The following RNF214 variants were observed in gnomAD, a reference collection of about 807,000 sequenced individuals.
RNF214 encodes the protein ring finger protein 214.
In RNF214, 25 loss-of-function variants were observed where a neutral mutation model predicts 75.9. That is an observed-to-expected ratio of 0.33 (90% CI 0.24 to 0.46). RNF214 has a LOEUF of 0.46. Among genes scored for constraint, RNF214 ranks in the 20% least tolerant of loss-of-function variants. RNF214 has a pLI of 1.00. For synonymous variants in RNF214, 314 were observed against 308.8 expected (o/e 1.02, Z -0.18); for missense variants, 725 against 857.5 (o/e 0.85, Z 1.93).
At chr11:117,261,206 A>C (rs1010012682) in intron 6 of RNF214, among the ~76,000 whole-genome samples, 2 of 152,216 alleles carry the variant, frequency 1.3e-5, no homozygotes, top group Non-Finnish European at 2.9e-5. Flanking sequence ...AAATAGAAGA[A>C]GTTACATTCT....
At position 117,282,090 on chromosome 11, in the gene RNF214, G is replaced by A; in HGVS notation, c.1532G>A (p.Ser511Asn). The change falls in exon 11 of 15, where the codon AGC becomes AAC. Residue 511 changes from serine to asparagine, a missense_variant. Physicochemically the swap from Ser to Asn is conservative, Grantham distance 46. Around this residue, in one of 2 missense-constraint regions of RNF214, gnomAD observed 363 missense variants for 513.0 expected, o/e 0.71. Transcript: ENST00000300650. ...CTTCCTGGCTCCCATGGCAGAAATA[G>A]CCCTGGCTTGGGTTCCCTTGTCAGC... The part of the protein sequence containing the change: ...SPLPGSHGRN[S>N]PGLGSLVSPH... The A allele has an allele frequency of 4.3e-6, 7 of 1,614,012 alleles. No homozygotes were observed. Among genetic ancestry groups the A allele is most frequent in the Non-Finnish European group, 5.9e-6 (7 of 1,180,004 alleles).
chr11:117,267,247 T>A (rs2033815900), intron 6 of RNF214, among the ~76,000 whole-genome samples: 1 of 152,250 alleles, frequency 6.6e-6, no homozygotes, highest in Non-Finnish European at 1.5e-5. Context: ...AAAATTTTGA[T>A]GAAGTCTCGC....
At chr11:117,258,179 C>T (rs2033568809) in intron 6 of RNF214, among the ~76,000 whole-genome samples, 1 of 152,052 alleles carries the variant, frequency 6.6e-6, no homozygotes, top group Non-Finnish European at 1.5e-5. Flanking sequence ...AGCAATTCTC[C>T]TGCCTCAGCC....
rs746813660 is a variant in RNF214, at chr11:117,244,599, A to T, written c.819+14A>T. The T allele has an allele frequency of 1.3e-6, 2 of 1,585,902 alleles. No individual in the cohort carries two copies. On this transcript the variant is annotated intron_variant, in intron 5 of 14. Coordinates refer to ENST00000300650, the MANE Select transcript of RNF214 (RefSeq NM_207343.4). ...AAGAATCACCAGGTATTTTGCTTAT[A>T]TTGAAATTGTCAATGAGTTAAGCAA...
In RNF214 at chr11:117,238,613, T is replaced by C; in HGVS notation, c.120T>C (p.Ser40=). The change falls in exon 3 of 15, where the codon TCT becomes TCC. Residue 40 remains serine, a synonymous_variant. Transcript: ENST00000300650. ...GTGTGTTTGATAGCACCAAAGACTCTGCACAGAAGCAGAAGAACTCGCCTC... is the reference window on the plus strand; with the variant it reads ...GTGTGTTTGATAGCACCAAAGACTCCGCACAGAAGCAGAAGAACTCGCCTC... ...GLPDGLSTKD[S]AQKQKNSPLL... is the part of the protein sequence containing the mutation. The C allele has an allele frequency of 6.2e-7, 1 of 1,612,534 alleles. No individual in the cohort carries two copies. Among genetic ancestry groups the C allele is most frequent in the East Asian group, 2.2e-5 (1 of 44,856 alleles).
intron 6 of RNF214, among the ~76,000 whole-genome samples, chr11:117,261,188 C>T (rs955980206): frequency 6.6e-6 from 1 of 152,042 alleles, no homozygotes; most frequent in Non-Finnish European, 1.5e-5. Flanking sequence ...TTGTGTATGC[C>T]TTTTGTCAAA....
intron 6 of RNF214, among the ~76,000 whole-genome samples, chr11:117,274,182 G>A (rs905179359): frequency 1.3e-5 from 2 of 151,978 alleles, no homozygotes; most frequent in African/African-American, 4.8e-5. Flanking sequence ...CAAAATAACA[G>A]ATTAACAGGA....
chr11:117,275,208 T>C (rs938107983), intron 6 of RNF214, among the ~76,000 whole-genome samples: 1 of 152,054 alleles, frequency 6.6e-6, no homozygotes, highest in African/African-American at 2.4e-5. Flanking sequence ...TTTTTAAAAA[T>C]GATTGATAAC....
At chr11:117,262,586 T>TA (rs2033691122) in intron 6 of RNF214, among the ~76,000 whole-genome samples, 1 of 151,756 alleles carries the variant, frequency 6.6e-6, no homozygotes, top group Admixed American at 6.6e-5. Flanking sequence ...CTCGCTATAT[T>TA]GTCTAGGTTG....
chr11:117,265,811 A>T (rs1486531246), intron 6 of RNF214, among the ~76,000 whole-genome samples: 4 of 152,194 alleles, frequency 2.6e-5, no homozygotes, highest in African/African-American at 9.7e-5. Flanking sequence ...GTTTTGACAT[A>T]TTAATTATGC....
chr11:117,276,682 G>T (rs1381740730), intron 6 of RNF214, among the ~76,000 whole-genome samples: 1 of 152,208 alleles, frequency 6.6e-6, no homozygotes, highest in African/African-American at 2.4e-5. Context: ...CCAGTGAGGT[G>T]AATGTGGCAA....
At position 117,282,436 on chromosome 11, in the gene RNF214, A is replaced by G; in HGVS notation, c.1745A>G (p.Lys582Arg). The change falls in exon 12 of 15, where the codon AAG (lysine) becomes AGG (arginine). Residue 582 changes from lysine (K) to arginine (R), a missense_variant. Lys to Arg is a conservative substitution (Grantham distance 26). Transcript: ENST00000300650. Reference sequence around the variant, plus strand: ...ATGACCAACATTCTTCAGCAGATCAAGACAGCACGTACCACCATGGCAGGC... The same window carrying G: ...ATGACCAACATTCTTCAGCAGATCAGGACAGCACGTACCACCATGGCAGGC... Reference protein sequence around the residue: ...AQMTNILQQIKTARTTMAGLT... With the variant: ...AQMTNILQQIRTARTTMAGLT... 6.2e-7 allele frequency: 1 copy of G among 1,614,230 alleles called. No individual in the cohort carries two copies. The highest frequency in any genetic ancestry group is 1.3e-5 in the African/African-American group (1 of 75,056).
chr11:117,249,672 A>G (rs1410555255), intron 6 of RNF214, among the ~76,000 whole-genome samples: 1 of 152,234 alleles, frequency 6.6e-6, no homozygotes, highest in Non-Finnish European at 1.5e-5. Context: ...AATCCGACAT[A>G]AAGATGCTGG....
chr11:117,270,573 C>A (rs549548378), intron 6 of RNF214, among the ~76,000 whole-genome samples: 1 of 151,526 alleles, frequency 6.6e-6, no homozygotes, highest in South Asian at 2.1e-4. Context: ...CCCACCCCCC[C>A]GGTAGCTGGG....
intron 6 of RNF214, among the ~76,000 whole-genome samples, chr11:117,251,921 T>C (rs1320419557): frequency 2.0e-5 from 3 of 152,186 alleles, no homozygotes; most frequent in Non-Finnish European, 4.4e-5. Context: ...CAGGCAGGAG[T>C]GCAGTGGCAC....
intron 6 of RNF214, among the ~76,000 whole-genome samples, chr11:117,266,327 C>T (rs536140254): frequency 2.0e-5 from 3 of 151,934 alleles, no homozygotes; most frequent in African/African-American, 7.3e-5. Context: ...TGTAAAGTTA[C>T]GTCCTTCACC....
intron 4 of RNF214, among the ~76,000 whole-genome samples, chr11:117,240,374 C>CA (rs1167785574): frequency 5.5e-5 from 4 of 73,046 alleles, no homozygotes; most frequent in African/African-American, 1.6e-4. Context: ...GACCCTGTCT[C>CA]AAAAAAAATT....
chr11:117,281,018 C>G (rs1387498073), intron 8 of RNF214, among the ~76,000 whole-genome samples: 1 of 145,276 alleles, frequency 6.9e-6, no homozygotes, highest in Non-Finnish European at 1.5e-5. Context: ...ACAGGGTCTC[C>G]CTCTGTTGTG....
chr11:117,233,287 A>G (rs1178900403), intron 1 of RNF214, among the ~76,000 whole-genome samples: 2 of 152,164 alleles, frequency 1.3e-5, no homozygotes, highest in Non-Finnish European at 2.9e-5. Flanking sequence ...AGGGAGCAGC[A>G]ATGGCGGTTT....
Sources: gnomAD v4.1 joint callset for allele counts (sites outside exome capture counted in the v4.1 genomes callset) on GRCh38, gnomAD v4.1.1 for gene constraint, gnomAD v4.1.1 regional missense constraint, MANE v1.5 for transcripts, NCBI Gene and HGNC (gene_info 2026-07-23, HGNC 2026-07-21) for gene names.